The following LRRC75A variants were observed in gnomAD, a reference collection of about 807,000 sequenced individuals.
LRRC75A encodes the protein leucine-rich repeat-containing protein 75A.
A neutral mutation model predicts 26.0 loss-of-function variants in LRRC75A; 12 were observed. That is an observed-to-expected ratio of 0.46 (90% CI 0.30 to 0.75). The LOEUF (loss-of-function observed/expected upper bound fraction) is 0.75, where lower values mean the gene tolerates loss of function less well. Ranked by LOEUF, LRRC75A falls within the 30% of genes least tolerant of loss-of-function variation. The probability of loss-of-function intolerance (pLI) is 0.08; values close to 1 mark genes in which losing one functional copy is unlikely to be tolerated. For missense variants in LRRC75A, 410 were observed against 486.6 expected, an observed-to-expected ratio of 0.84 and a Z score of 1.48; for synonymous variants, 223 against 219.3, an observed-to-expected ratio of 1.02 and a Z score of -0.15.
At chr17:16,485,837 T>C (rs2093846032) in intron 1 of LRRC75A, among the ~76,000 whole-genome samples, 1 of 152,024 alleles carries the variant, frequency 6.6e-6, no homozygotes, top group South Asian at 2.1e-4. Flanking sequence ...TGCATCCTGA[T>C]GGAGGAGTTG....
chr17:16,443,914 G>A lies in LRRC75A; in HGVS notation c.709C>T (p.Leu237Phe). The change falls in exon 4 of 4, where the codon CTC (leucine) becomes TTC (phenylalanine). Residue 237 changes from leucine to phenylalanine, a missense_variant. Transcript: ENST00000470794. ...GCCCGGGTCAACCGGTTGCCATTGA[G>A]TGCCAGTGTGGTGAGGCGGGGCAGG... ...STLPRLTTLA[L>F]NGNRLTRAVL... 1 of 1,613,638 alleles carries A rather than the reference G, an allele frequency of 6.2e-7. No individual in the cohort carries two copies.
chr17:16,481,474 A>C (rs1416738336), intron 1 of LRRC75A, among the ~76,000 whole-genome samples: 1 of 152,236 alleles, frequency 6.6e-6, no homozygotes, highest in Non-Finnish European at 1.5e-5. Context: ...AGCCTTAAGC[A>C]GCAAATTATG....
At chr17:16,450,434 A>ACCCGTGCCCCCAG (rs1568952310) in intron 2 of LRRC75A, among the ~76,000 whole-genome samples, 4 of 151,206 alleles carry the variant, frequency 2.6e-5, no homozygotes. Context: ...GCCCATCCCC[A>ACCCGTGCCCCCAG]CCCCTGCCCC....
rs954084210 is a variant in LRRC75A at position 16,457,179 on chromosome 17, A to G, written c.375+5079T>C. Among the ~76,000 whole-genome samples, 3 of 152,298 alleles carry G rather than the reference A, an allele frequency of 2.0e-5. No individual in the cohort carries two copies. The South Asian group carries it at 6.2e-4, about 32-fold the overall frequency. Reference sequence around the variant, plus strand: ...CTGTAACTGCTCCAGGACCCCGACAAGCACAGCCCTCCACTGCCCTCCATT... The same window carrying G: ...CTGTAACTGCTCCAGGACCCCGACAGGCACAGCCCTCCACTGCCCTCCATT... On this transcript the variant is annotated intron_variant, in intron 2 of 3. Coordinates refer to ENST00000470794, the MANE Select transcript of LRRC75A (RefSeq NM_001113567.3).
intron 1 of LRRC75A, among the ~76,000 whole-genome samples, chr17:16,473,820 A>T (rs1333670283): frequency 6.6e-6 from 1 of 152,198 alleles, no homozygotes; most frequent in African/African-American, 2.4e-5. Context: ...CTCGACGGTG[A>T]CGAGTGTTGC....
At chr17:16,467,548 G>C (rs1207602155) in intron 1 of LRRC75A, among the ~76,000 whole-genome samples, 1 of 152,152 alleles carries the variant, frequency 6.6e-6, no homozygotes, top group Non-Finnish European at 1.5e-5. Context: ...TCTCTTCTGA[G>C]CTCTGGCCTC....
At chr17:16,461,892 A>T (rs2093730503) in intron 2 of LRRC75A, among the ~76,000 whole-genome samples, 1 of 152,044 alleles carries the variant, frequency 6.6e-6, no homozygotes, top group African/African-American at 2.4e-5. Flanking sequence ...GCAAGGTACA[A>T]CCTGTACAAC....
At chr17:16,472,713 G>A (rs1002126471) in intron 1 of LRRC75A, among the ~76,000 whole-genome samples, 25 of 152,180 alleles carry the variant, frequency 1.6e-4, no homozygotes, top group Non-Finnish European at 4.4e-5. Flanking sequence ...CATTTAAAAC[G>A]GGTAATTGAG....
intron 1 of LRRC75A, among the ~76,000 whole-genome samples, chr17:16,485,446 T>A (rs1187982645): frequency 6.6e-6 from 1 of 152,146 alleles, no homozygotes; most frequent in African/African-American, 2.4e-5. Flanking sequence ...GAGGGTACCA[T>A]CACCAGAAAG....
At chr17:16,446,099 G>T (rs1325750646) in intron 3 of LRRC75A, among the ~76,000 whole-genome samples, 1 of 152,150 alleles carries the variant, frequency 6.6e-6, no homozygotes, top group African/African-American at 2.4e-5. Context: ...AGTAGAGACA[G>T]GGTTTCACTA....
intron 1 of LRRC75A, among the ~76,000 whole-genome samples, chr17:16,485,632 G>GTGTGTGTGTGTGTGTGTGTGTGTC (rs1491542497): frequency 4.4e-5 from 2 of 45,728 alleles, no homozygotes; most frequent in Non-Finnish European, 7.1e-5. Flanking sequence ...AGGACAAGCA[G>GTGTGTGTGTGTGTGTGTGTGTGTC]TGTGTGTGTG....
At chr17:16,457,811 A>G (rs2093696753) in intron 2 of LRRC75A, among the ~76,000 whole-genome samples, 1 of 151,696 alleles carries the variant, frequency 6.6e-6, no homozygotes, top group African/African-American at 2.4e-5. Context: ...TACAAGAAAA[A>G]AAAAAACAAA....
chr17:16,465,619 T>C (rs930337895), intron 1 of LRRC75A, among the ~76,000 whole-genome samples: 11 of 152,214 alleles, frequency 7.2e-5, no homozygotes, highest in Non-Finnish European at 4.4e-5. Context: ...CCCATCTTCC[T>C]GGACCCCCTA....
intron 1 of LRRC75A, among the ~76,000 whole-genome samples, chr17:16,488,539 G>C (rs551368924): frequency 1.3e-5 from 2 of 152,358 alleles, no homozygotes; most frequent in African/African-American, 4.8e-5. Context: ...AGCATTTGCT[G>C]TGCTCAGTAC....
chr17:16,444,852 A>AT (rs5819573), intron 3 of LRRC75A, among the ~76,000 whole-genome samples: 76,458 of 132,460 alleles, frequency 0.58, 22,678 homozygotes, highest in Non-Finnish European at 0.67. Flanking sequence ...CATTTTCCAC[A>AT]TTTTTTTTTT....
chr17:16,443,388 G>T lies in LRRC75A; in HGVS notation c.*200C>A. On this transcript the variant is annotated 3_prime_UTR_variant, in exon 4 of 4. Transcript: ENST00000470794. ...ACCAAATGGCAGATAATGGGATAGG[G>T]GGCAGATGCAGAGGACCAACGGGAA... is the stretch of plus-strand genomic sequence containing the variant. The T allele has an allele frequency of 1.8e-6, 1 of 547,514 alleles. No homozygotes were observed. The allele number at this position is 547,514 out of a possible 1,614,324, so 33.9% of individuals were successfully genotyped here.
At chr17:16,457,610 G>A (rs2093695335) in intron 2 of LRRC75A, among the ~76,000 whole-genome samples, 1 of 152,184 alleles carries the variant, frequency 6.6e-6, no homozygotes, top group African/African-American at 2.4e-5. Context: ...GTCTAAGTGA[G>A]CAACAGAATC....
At chr17:16,482,575 C>A (rs1456192792) in intron 1 of LRRC75A, among the ~76,000 whole-genome samples, 1 of 152,206 alleles carries the variant, frequency 6.6e-6, no homozygotes, top group Non-Finnish European at 1.5e-5. Context: ...CCCACAGGTC[C>A]TGGGCCTAGC....
intron 1 of LRRC75A, among the ~76,000 whole-genome samples, chr17:16,467,097 T>C (rs1261417235): frequency 6.6e-6 from 1 of 152,258 alleles, no homozygotes; most frequent in Non-Finnish European, 1.5e-5. Context: ...ACTTGGTTTT[T>C]CTTTTCCTTT....
Sources: allele counts gnomAD v4.1 joint callset (sites outside exome capture counted in the v4.1 genomes callset), GRCh38; gene constraint gnomAD v4.1.1; transcripts MANE v1.5; gene names NCBI Gene and HGNC (gene_info 2026-07-23, HGNC 2026-07-21).